Variants in SDHA observed in about 807,000 individuals in gnomAD.
SDHA encodes the protein succinate dehydrogenase complex flavoprotein subunit A.
A neutral mutation model predicts 78.4 loss-of-function variants in SDHA; 48 were observed. The ratio of observed to expected loss-of-function variants is 0.61; its 90% CI spans 0.49 to 0.78. SDHA has a LOEUF of 0.78. Among genes scored for constraint, SDHA ranks in the 30% least tolerant of loss-of-function variants. The probability of loss-of-function intolerance (pLI) is 0.00; values close to 1 mark genes in which losing one functional copy is unlikely to be tolerated. For missense variants in SDHA, 680 were observed against 892.7 expected, an observed-to-expected ratio of 0.76 and a Z score of 3.04; for synonymous variants, 326 against 353.9, an observed-to-expected ratio of 0.92 and a Z score of 0.88.
intron 6 of SDHA, 113 bp from the exon 7 acceptor site, chr5:230,763 C>T: frequency 7.0e-7 from 1 of 1,426,766 alleles, no homozygotes; most frequent in Non-Finnish European, 9.9e-7. Context: ...GTTGTGTGTG[C>T]ACAGCACTGA....
At position 250,983 on chromosome 5, in the gene SDHA, G is replaced by A. The variant is rs765624219; in HGVS notation, c.1552-9G>A. On this transcript the variant is annotated splice_polypyrimidine_tract_variant and intron_variant, in intron 11 of 14. Coordinates refer to ENST00000264932, the MANE Select transcript of SDHA (RefSeq NM_004168.4). Reference sequence around the variant, plus strand: ...ATTAAAAGTTTACAAATAATATTTTGTGCCACAGTCAATGCAAAATCATGC... The same window carrying A: ...ATTAAAAGTTTACAAATAATATTTTATGCCACAGTCAATGCAAAATCATGC... The A allele has an allele frequency of 1.1e-5, 17 of 1,609,524 alleles. No homozygotes were observed. The South Asian group carries it at 1.4e-4, about 14-fold the overall frequency.
chr5:224,765 A>G (rs1157260162), intron 3 of SDHA: 9 of 556,146 alleles, frequency 1.6e-5, no homozygotes, highest in Non-Finnish European at 2.9e-5. Flanking sequence ...TTCTCTGACC[A>G]TCTTGCCTAC....
At chr5:239,532 A>G (rs982392118) in intron 10 of SDHA, among the ~76,000 whole-genome samples, 4 of 150,308 alleles carry the variant, frequency 2.7e-5, no homozygotes, top group Admixed American at 6.6e-5. Flanking sequence ...CTGCACTCCA[A>G]CCTGGGCTAC....
chr5:233,825 A>G, intron 8 of SDHA, 180 bp downstream of exon 8: 13 of 599,626 alleles, frequency 2.2e-5, no homozygotes, highest in Admixed American at 2.9e-5. Context: ...ACATTTTGAA[A>G]ATTTTAGCCA....
At chr5:230,215 TCATC>T (rs906113086) in intron 6 of SDHA, among the ~76,000 whole-genome samples, 5 of 152,150 alleles carry the variant, frequency 3.3e-5, no homozygotes, top group Non-Finnish European at 5.9e-5. Context: ...TTTTTTAAAT[TCATC>T]AATCATACCT....
At chr5:220,311 T>G in intron 1 of SDHA, 1 of 439,028 alleles carries the variant, frequency 2.3e-6, no homozygotes, top group Non-Finnish European at 4.5e-6. Context: ...GAAACTTCAA[T>G]AGTTACTGGT....
Position 233,612 on chromosome 5 carries a change from C to T in SDHA, c.1031C>T (p.Ser344Phe), listed in dbSNP as rs1735563548. 1 of 1,613,974 alleles carries T rather than the reference C, an allele frequency of 6.2e-7. No homozygotes were observed. Among genetic ancestry groups the T allele is most frequent in the Non-Finnish European group, 8.5e-7 (1 of 1,179,996 alleles). Reference protein sequence around the residue: ...AKDLASRDVVSRSMTLEIREG... With the variant: ...AKDLASRDVVFRSMTLEIREG... ...GACCTGGCGTCTAGAGATGTGGTGT[C>T]TCGGTCCATGACTCTGGAGATCCGA... is the stretch of plus-strand genomic sequence containing the variant. The change falls in exon 8 of 15, where the codon TCT (serine) becomes TTT (phenylalanine). Residue 344 changes from serine (S) to phenylalanine (F), a missense_variant. Transcript: ENST00000264932.
Position 225,963 on chromosome 5 carries a change from GT to G in SDHA, c.540del (p.Phe180LeufsTer46). The G allele has an allele frequency of 6.2e-7, 1 of 1,614,152 alleles. No homozygotes were observed. The highest frequency in any genetic ancestry group is 8.5e-7 in the Non-Finnish European group (1 of 1,180,034). ...GTGCATTTGGTGGACAGAGCCTCAA[GT>G]TTGGAAAGGGCGGGCAGGCCCATCG... ...QRAFGGQSLKFGKGGQAHRCC... is the reference protein window; with the variant it reads ...QRAFGGQSLKXGKGGQAHRCC... On this transcript the variant is annotated frameshift_variant, in exon 5 of 15. Coordinates refer to ENST00000264932, the MANE Select transcript of SDHA (RefSeq NM_004168.4). LOFTEE classifies it high-confidence loss of function.
At chr5:265,651 A>G in the SDHA span, among the ~76,000 whole-genome samples, 2 of 152,124 alleles carry the variant, frequency 1.3e-5, no homozygotes, top group Non-Finnish European at 2.9e-5. Flanking sequence ...GTGAAACCCC[A>G]TCTCTAAAAA....
At chr5:222,772 G>C (rs1184601299) in intron 1 of SDHA, among the ~76,000 whole-genome samples, 1 of 152,170 alleles carries the variant, frequency 6.6e-6, no homozygotes, top group East Asian at 1.9e-4. Context: ...CTCTCACACA[G>C]AGCCACTAAA....
At chr5:230,779 C>T (rs1438374686) in intron 6 of SDHA, 97 bp from the exon 7 acceptor site, 22 of 1,533,594 alleles carry the variant, frequency 1.4e-5, no homozygotes, top group East Asian at 4.5e-5. Flanking sequence ...ACTGAGAAGA[C>T]GGTGCTGGGG....
intron 11 of SDHA, chr5:250,114 A>G (rs1170515991): frequency 6.6e-6 from 1 of 152,258 alleles, no homozygotes; most frequent in Non-Finnish European, 1.5e-5. Flanking sequence ...AGATTCTGAG[A>G]TGCAATGTTT....
Position 256,434 on chromosome 5 carries a change from G to C in SDHA, c.*14G>C. On this transcript the variant is annotated 3_prime_UTR_variant, in exon 15 of 15. Coordinates refer to ENST00000264932, the MANE Select transcript of SDHA (RefSeq NM_004168.4). ...CGCTCCTACTGATGAGACAAGATGT[G>C]GTGATGACAGAATCAGCTTTTGTAA... is the stretch of plus-strand genomic sequence containing the variant. 1 of 1,486,114 alleles carries C rather than the reference G, an allele frequency of 6.7e-7. No individual in the cohort carries two copies. Among genetic ancestry groups the C allele is most frequent in the Non-Finnish European group, 9.3e-7 (1 of 1,073,014 alleles). The allele number at this position is 1,486,114 out of a possible 1,614,324, so 92.1% of individuals were successfully genotyped here. A position where few individuals can be genotyped will look rare whatever the true frequency, so the allele number is the denominator to read the frequency against.
At position 246,251 on chromosome 5, in the gene SDHA, C is replaced by A. The variant is rs554094206; in HGVS notation, c.1552-4741C>A. ...AGAGAAGACTCAAGCTGCAGCTGAT[C>A]GAAAAGCAAGGCCATAAAGCCCAAG... is the stretch of plus-strand genomic sequence containing the variant. On this transcript the variant is annotated intron_variant, in intron 11 of 14. Coordinates refer to ENST00000264932, the MANE Select transcript of SDHA (RefSeq NM_004168.4). Among the ~76,000 whole-genome samples, 6 of 151,862 alleles carry A rather than the reference C, an allele frequency of 4.0e-5. 1 individual carries two copies. Among genetic ancestry groups the A allele is most frequent in the Non-Finnish European group, 8.8e-5 (6 of 67,996 alleles).
rs61754481 is a variant in SDHA at position 226,039 on chromosome 5, T to C, written c.613T>C (p.Tyr205His). 46 of 1,614,032 alleles carry C rather than the reference T, an allele frequency of 2.9e-5. No homozygotes were observed. The highest frequency in any genetic ancestry group is 6.7e-5 in the Admixed American group (4 of 60,006). ...TGGCCACTCGCTATTGCACACCTTA[T>C]ATGGAAGGGTAAGGCCGCCCCCGTC... ...RTGHSLLHTL[Y>H]GRSLRYDTSY... Residue 205 changes from tyrosine (Y) to histidine (H), a missense_variant, in exon 5 of 15, where the codon TAT (tyrosine) becomes CAT (histidine). Tyr to His is a moderately conservative substitution (Grantham distance 83, BLOSUM62 2). Transcript: ENST00000264932.
At chr5:263,652 G>A in the SDHA span, among the ~76,000 whole-genome samples, 1 of 152,178 alleles carries the variant, frequency 6.6e-6, no homozygotes. Flanking sequence ...CAAAAACAAA[G>A]GTGAAACTAG....
rs537666891 is a variant in SDHA, at chr5:256,718, A to G, written c.*298A>G. 2 of 405,762 alleles carry G rather than the reference A, an allele frequency of 4.9e-6. No individual in the cohort carries two copies. The highest frequency in any genetic ancestry group is 7.2e-5 in the South Asian group (2 of 27,672). 25.1% of individuals were successfully genotyped at this position (405,762 alleles called of 1,614,324 possible). ...TTTCCAAATCCATTTGAAATATTTT[A>G]CTGTTGTGACTTTAGTCATATTTGT... On this transcript the variant is annotated 3_prime_UTR_variant, in exon 15 of 15. Transcript: ENST00000264932.
At chr5:232,876 G>A (rs753738119) in intron 7 of SDHA, among the ~76,000 whole-genome samples, 26 of 152,196 alleles carry the variant, frequency 1.7e-4, no homozygotes, top group Middle Eastern at 3.2e-3. Context: ...GGACTACCCA[G>A]GTTTGGGTTT....
At position 256,385 on chromosome 5, in the gene SDHA, T is replaced by G. The variant is rs60587941; in HGVS notation, c.1960T>G (p.Cys654Gly). The G allele has an allele frequency of 1.2e-6, 2 of 1,613,968 alleles. No individual in the cohort carries two copies. Among genetic ancestry groups the G allele is most frequent in the East Asian group, 4.5e-5 (2 of 44,892 alleles). Residue 654 changes from cysteine to glycine, a missense_variant, in exon 15 of 15, where the codon TGT (cysteine) becomes GGT (glycine). Transcript: ENST00000264932. ...VIDKTLNEAD[C>G]ATVPPAIRSY is the part of the protein sequence containing the mutation. ...CGACAAAACTTTGAACGAGGCTGAC[T>G]GTGCCACCGTCCCGCCAGCCATTCG...
Sources: gnomAD v4.1 joint callset for allele counts (sites outside exome capture counted in the v4.1 genomes callset) on GRCh38, gnomAD v4.1.1 for gene constraint, MANE v1.5 for transcripts, NCBI Gene and HGNC (gene_info 2026-07-23, HGNC 2026-07-21) for gene names.